The following LY96 variants were observed in gnomAD, a reference collection of about 807,000 sequenced individuals.
LY96 encodes lymphocyte antigen 96, also known as myeloid differentiation protein-2.
A neutral mutation model predicts 18.9 loss-of-function variants in LY96; 18 were observed. The observed-to-expected ratio is 0.95, with a 90% CI of 0.66 to 1.41. LY96 has a LOEUF of 1.41. Ranked by LOEUF, LY96 falls within the 40% of genes most tolerant of loss-of-function variation. The pLI is 0.00. For synonymous variants in LY96, 66 were observed against 62.6 expected, an observed-to-expected ratio of 1.06 and a Z score of -0.26; for missense variants, 175 against 182.4, an observed-to-expected ratio of 0.96 and a Z score of 0.23.
intron 3 of LY96, among the ~76,000 whole-genome samples, 167 bp from the exon 4 acceptor site, chr8:74,026,622 A>G (rs1473257858): frequency 6.6e-6 from 1 of 152,182 alleles, no homozygotes. Context: ...GGGCGGAGAA[A>G]GGAAGCCACA....
chr8:74,084,295 T>C, the LY96 span, among the ~76,000 whole-genome samples: 1 of 152,152 alleles, frequency 6.6e-6, no homozygotes, highest in African/African-American at 2.4e-5. Flanking sequence ...GCAGTCCTGA[T>C]GCACGGATTA....
At chr8:74,088,214 A>C in the LY96 span, among the ~76,000 whole-genome samples, 1 of 152,200 alleles carries the variant, frequency 6.6e-6, no homozygotes, top group Admixed American at 6.5e-5. Context: ...CTCAGGACTC[A>C]TGAATGTTTT....
At chr8:74,088,151 A>AATAGAAT in the LY96 span, among the ~76,000 whole-genome samples, 18 of 151,192 alleles carry the variant, frequency 1.2e-4, no homozygotes, top group African/African-American at 4.4e-4. Context: ...AATAGAATAG[A>AATAGAAT]AAAGAATAGA....
At chr8:74,098,351 A>G in the LY96 span, among the ~76,000 whole-genome samples, 1 of 152,104 alleles carries the variant, frequency 6.6e-6, no homozygotes, top group Non-Finnish European at 1.5e-5. Context: ...ATTAAAAAAA[A>G]TCTCACAGGT....
chr8:74,030,922 T>C (rs190406555), downstream of LY96, among the ~76,000 whole-genome samples: 1 of 152,316 alleles, frequency 6.6e-6, no homozygotes. Flanking sequence ...GGAGAGAACA[T>C]GGAGAATCCC....
chr8:74,004,878 C>A lies in LY96; in HGVS notation c.195C>A (p.Tyr65Ter). Residue 65 changes from tyrosine (Y) to a stop codon, truncating the protein, a stop_gained, in exon 2 of 5, where the codon TAC (tyrosine) becomes TAA (stop). Coordinates refer to ENST00000284818, the MANE Select transcript of LY96 (RefSeq NM_015364.5). LOFTEE classifies it high-confidence loss of function. ...CCAAAGGATTATTGCACATTTTCTA[C>A]ATTCCAAGTAAGTTCAAATTTTTGC... ...KRSKGLLHIF[Y>*]IPRRDLKQLY... The A allele has an allele frequency of 1.3e-6, 2 of 1,590,948 alleles. No individual in the cohort carries two copies. The highest frequency in any genetic ancestry group is 1.7e-6 in the Non-Finnish European group (2 of 1,161,636).
At chr8:73,997,023 G>A (rs1816163504) in intron 1 of LY96, among the ~76,000 whole-genome samples, 1 of 152,056 alleles carries the variant, frequency 6.6e-6, no homozygotes, top group Non-Finnish European at 1.5e-5. Flanking sequence ...GGGATTACAG[G>A]CATAAGCCAC....
the LY96 span, among the ~76,000 whole-genome samples, chr8:74,046,305 A>G: frequency 6.6e-6 from 1 of 152,210 alleles, no homozygotes; most frequent in African/African-American, 2.4e-5. Flanking sequence ...CAGAATAACT[A>G]AGTGACCAAG....
At chr8:74,091,089 G>A in the LY96 span, among the ~76,000 whole-genome samples, 1 of 132,806 alleles carries the variant, frequency 7.5e-6, no homozygotes, top group Non-Finnish European at 1.7e-5. Flanking sequence ...GTGTAGGTGG[G>A]TGGATGTACA....
chr8:74,053,439 G>A, the LY96 span, among the ~76,000 whole-genome samples: 1 of 152,216 alleles, frequency 6.6e-6, no homozygotes, highest in South Asian at 2.1e-4. Flanking sequence ...CCTACTCCCT[G>A]TAGAATAAAA....
intron 1 of LY96, among the ~76,000 whole-genome samples, chr8:73,995,948 C>T (rs139870678): frequency 7.9e-5 from 12 of 152,022 alleles, no homozygotes; most frequent in East Asian, 3.9e-4. Context: ...CTGGGGGATG[C>T]GGGGTAGAGG....
At chr8:74,019,907 G>A (rs1474258577) in intron 3 of LY96, among the ~76,000 whole-genome samples, 1 of 152,126 alleles carries the variant, frequency 6.6e-6, no homozygotes, top group Non-Finnish European at 1.5e-5. Flanking sequence ...ACTAGCTATT[G>A]ATGGAACGTA....
intron 1 of LY96, among the ~76,000 whole-genome samples, chr8:73,999,497 C>T (rs891080752): frequency 2.0e-5 from 3 of 151,434 alleles, no homozygotes; most frequent in East Asian, 1.9e-4. Context: ...TGGACTCAAG[C>T]GATTCTGCTG....
the LY96 span, among the ~76,000 whole-genome samples, chr8:74,051,067 T>C: frequency 2.6e-5 from 4 of 152,060 alleles, no homozygotes; most frequent in Non-Finnish European, 5.9e-5. Context: ...CTATTAGTAA[T>C]AGAGGAAAGA....
At chr8:74,053,359 T>C in the LY96 span, among the ~76,000 whole-genome samples, 1 of 152,244 alleles carries the variant, frequency 6.6e-6, no homozygotes, top group Non-Finnish European at 1.5e-5. Context: ...AATCCTTTAG[T>C]GACCTGTCTA....
At chr8:74,063,962 T>C in the LY96 span, among the ~76,000 whole-genome samples, 1 of 152,208 alleles carries the variant, frequency 6.6e-6, no homozygotes, top group African/African-American at 2.4e-5. Context: ...TGTCATACTC[T>C]GTTGGTTGGT....
At chr8:74,046,391 A>G in the LY96 span, among the ~76,000 whole-genome samples, 23 of 152,328 alleles carry the variant, frequency 1.5e-4, no homozygotes, top group East Asian at 2.7e-3. Context: ...TGGAACTGGT[A>G]ATTTAATGGT....
chr8:74,091,817 G>T, the LY96 span, among the ~76,000 whole-genome samples: 2 of 152,098 alleles, frequency 1.3e-5, no homozygotes, highest in East Asian at 1.9e-4. Context: ...TCTTTGACAT[G>T]GTCCTTCCTT....
intron 4 of LY96, among the ~76,000 whole-genome samples, chr8:74,027,209 G>A (rs1033401260): frequency 5.9e-5 from 9 of 151,978 alleles, no homozygotes; most frequent in African/African-American, 2.2e-4. Context: ...CAAAGTGCTG[G>A]GATTACAAGT....
Sources: allele counts gnomAD v4.1 joint callset (sites outside exome capture counted in the v4.1 genomes callset), GRCh38; gene constraint gnomAD v4.1.1; transcripts MANE v1.5; gene names NCBI Gene and HGNC (gene_info 2026-07-23, HGNC 2026-07-21).